EXOC8: variants seen among roughly 807,000 people sequenced by gnomAD.
EXOC8 encodes the protein exocyst complex 84 kDa subunit.
Under a neutral mutation model 50.8 loss-of-function variants are expected in EXOC8, and 19 were observed. The observed-to-expected ratio is 0.37, with a 90% CI of 0.26 to 0.55. The LOEUF (loss-of-function observed/expected upper bound fraction) is 0.55, where lower values mean the gene tolerates loss of function less well. Among genes scored for constraint, EXOC8 ranks in the 20% least tolerant of loss-of-function variants. EXOC8 has a pLI of 0.80. For synonymous variants in EXOC8, 384 were observed against 367.9 expected (o/e 1.04, Z -0.50); for missense variants, 781 against 915.8 (o/e 0.85, Z 1.90).
Position 231,336,825 on chromosome 1 carries a change from C to G in EXOC8, c.921G>C (p.Lys307Asn). ...APRGPPQVTS[K>N]ATNPFEDDEE... is the part of the protein sequence containing the mutation. ...CGTCATCCTCAAATGGGTTAGTGGCCTTGGAAGTCACTTGGGGTGGCCCTC... is the reference window on the plus strand; with the variant it reads ...CGTCATCCTCAAATGGGTTAGTGGCGTTGGAAGTCACTTGGGGTGGCCCTC... Residue 307 changes from lysine (K) to asparagine (N), a missense_variant, in exon 1 of 1, where the codon AAG becomes AAC. Lys to Asn is a moderately conservative substitution (Grantham distance 94). Coordinates refer to ENST00000366645, the MANE Select transcript of EXOC8 (RefSeq NM_175876.5). The surrounding 1 kb of genome is among the most constrained non-coding windows in gnomAD (Gnocchi z 5.4). 6.2e-7 allele frequency: 1 copy of G among 1,614,146 alleles called. No homozygotes were observed. Among genetic ancestry groups the G allele is most frequent in the Non-Finnish European group, 8.5e-7 (1 of 1,180,030 alleles).
chr1:231,336,330 T>C lies in EXOC8; in HGVS notation c.1416A>G (p.Arg472=). 1 of 1,613,998 alleles carries C rather than the reference T, an allele frequency of 6.2e-7. No individual in the cohort carries two copies. The highest frequency in any genetic ancestry group is 8.5e-7 in the Non-Finnish European group (1 of 1,179,994). Residue 472 remains arginine (R), a synonymous_variant, in exon 1 of 1, where the codon AGA becomes AGG. Coordinates refer to ENST00000366645, the MANE Select transcript of EXOC8 (RefSeq NM_175876.5). The surrounding 1 kb of genome is among the most constrained non-coding windows in gnomAD (Gnocchi z 5.4). ...VFFTSLLETA[R]EFEIDFAGTD... is the part of the protein sequence containing the mutation. Reference sequence around the variant, plus strand: ...TGCCTGCAAAATCGATCTCAAATTCTCTTGCAGTCTCGAGAAGGCTGGTAA... The same window carrying C: ...TGCCTGCAAAATCGATCTCAAATTCCCTTGCAGTCTCGAGAAGGCTGGTAA...
In EXOC8 at chr1:231,336,402, G is replaced by A. The variant is rs1359726635; in HGVS notation, c.1344C>T (p.Ile448=). The A allele has an allele frequency of 6.2e-7, 1 of 1,614,014 alleles. No homozygotes were observed. The change falls in exon 1 of 1, where the codon ATC becomes ATT. Residue 448 remains isoleucine (I), a synonymous_variant. Transcript: ENST00000366645. The surrounding 1 kb of genome is among the most constrained non-coding windows in gnomAD (Gnocchi z 5.4). ...GAATATAGAGTAAAGTGGCACCTTC[G>A]ATGCGAAGCTGACGAATTGCAGTAT... ...AVHTAIRQLR[I]EGATLLYIHK...
rs1046308089 is a variant in EXOC8 at position 231,333,567 on chromosome 1, T to C, written c.*2001A>G. ...ATACATATTTCATACAGTATAGTATTAGAAACTGTAAATGGCACAGAATAA... is the reference window on the plus strand; with the variant it reads ...ATACATATTTCATACAGTATAGTATCAGAAACTGTAAATGGCACAGAATAA... On this transcript the variant is annotated 3_prime_UTR_variant, in exon 1 of 1. Coordinates refer to ENST00000366645, the MANE Select transcript of EXOC8 (RefSeq NM_175876.5). 9 of 152,660 alleles carry C rather than the reference T, an allele frequency of 5.9e-5. No individual in the cohort carries two copies. Among genetic ancestry groups the C allele is most frequent in the Admixed American group, 1.3e-4 (2 of 15,284 alleles). 9.5% of individuals were successfully genotyped at this position (152,660 alleles called of 1,614,324 possible). A position where few individuals can be genotyped will look rare whatever the true frequency, so the allele number is the denominator to read the frequency against.
chr1:231,337,606 C>T lies in EXOC8; in HGVS notation c.140G>A (p.Arg47His), dbSNP rs1453748958. 1.2e-5 allele frequency: 20 copies of T among 1,612,150 alleles called. No individual in the cohort carries two copies. The highest frequency in any genetic ancestry group is 1.7e-5 in the Non-Finnish European group (20 of 1,180,002). ...CGTCTCCTCCGCCAGCGCCTGGATG[C>T]GCTGCCGGTGCTCCTGGAGGTCCCG... ...GDRDLQEHRQ[R>H]IQALAEETAQ... The change falls in exon 1 of 1, where the codon CGC becomes CAC. Residue 47 changes from arginine (R) to histidine (H), a missense_variant. Coordinates refer to ENST00000366645, the MANE Select transcript of EXOC8 (RefSeq NM_175876.5). The surrounding 1 kb of genome is among the most constrained non-coding windows in gnomAD (Gnocchi z 5.9).
chr1:231,336,063 G>T lies in EXOC8; in HGVS notation c.1683C>A (p.Ile561=), dbSNP rs372339789. Residue 561 remains isoleucine, a synonymous_variant, in exon 1 of 1, where the codon ATC becomes ATA. Transcript: ENST00000366645. This position sits in a 1 kb window ranked among gnomAD's most constrained non-coding sequence, Gnocchi z 5.4. The part of the protein sequence containing the change: ...IQGALHSYKE[I]IIEATKHRNS... ...TGCGATGTTTAGTGGCTTCAATGAT[G>T]ATTTCTTTGTAACTGTGCAAGGCCC... The T allele has an allele frequency of 2.5e-6, 4 of 1,614,060 alleles. No individual in the cohort carries two copies. The highest frequency in any genetic ancestry group is 2.7e-5 in the African/African-American group (2 of 74,918).
chr1:231,337,502 T>C lies in EXOC8; in HGVS notation c.244A>G (p.Ser82Gly). Residue 82 changes from serine to glycine, a missense_variant, in exon 1 of 1, where the codon AGC becomes GGC. By Grantham distance (56) the Ser-to-Gly change is moderately conservative. Around this residue, in one of 3 missense-constraint regions of EXOC8, gnomAD observed 700 missense variants for 804.1 expected, o/e 0.87. Transcript: ENST00000366645. The surrounding 1 kb of genome is among the most constrained non-coding windows in gnomAD (Gnocchi z 5.9). ...ETAREISYLE[S>G]EMYQLSHLLT... is the part of the protein sequence containing the mutation. ...AAATGGCTGAGCTGGTACATCTCGC[T>C]CTCCAGGTAGGAGATCTCGCGGGCC... 2 of 1,613,072 alleles carry C rather than the reference T, an allele frequency of 1.2e-6. No homozygotes were observed. Among genetic ancestry groups the C allele is most frequent in the Non-Finnish European group, 1.7e-6 (2 of 1,179,922 alleles).
rs770071942 is a variant in EXOC8 at position 231,337,236 on chromosome 1, T to A, written c.510A>T (p.Glu170Asp). The A allele has an allele frequency of 1.9e-5, 30 of 1,612,760 alleles. No individual in the cohort carries two copies. Among genetic ancestry groups the A allele is most frequent in the Non-Finnish European group, 2.5e-5 (29 of 1,180,004 alleles). The change falls in exon 1 of 1, where the codon GAA becomes GAT. Residue 170 changes from glutamate (E) to aspartate (D), a missense_variant. By Grantham distance (45) the Glu-to-Asp change is conservative (BLOSUM62 2). This residue lies in a region of EXOC8 where 700 missense variants were observed against 804.1 expected (regional missense o/e 0.87). Coordinates refer to ENST00000366645, the MANE Select transcript of EXOC8 (RefSeq NM_175876.5). This position sits in a 1 kb window ranked among gnomAD's most constrained non-coding sequence, Gnocchi z 5.9. ...RTLTTLLEKV[E>D]GCRHLLETPG... The stretch of plus-strand genomic sequence containing the variant: ...GCGTCTCCAGCAGATGCCTGCAGCC[T>A]TCCACCTTCTCAAGCAGGGTGGTGA...
rs1235951591 is a variant in EXOC8, at chr1:231,333,005, T to C, written c.*2563A>G. The C allele has an allele frequency of 6.6e-6, 1 of 152,100 alleles. No homozygotes were observed. Among genetic ancestry groups the C allele is most frequent in the Admixed American group, 6.5e-5 (1 of 15,280 alleles). 9.4% of individuals were successfully genotyped at this position (152,100 alleles called of 1,614,324 possible). On this transcript the variant is annotated 3_prime_UTR_variant, in exon 1 of 1. Transcript: ENST00000366645. ...AGGCTTTAACCAAAGCAAGACTTAATGCCACAAGGTGTCTTTTTTCCCCAA... is the reference window on the plus strand; with the variant it reads ...AGGCTTTAACCAAAGCAAGACTTAACGCCACAAGGTGTCTTTTTTCCCCAA...
In EXOC8 at chr1:231,335,400, CTTAAT is replaced by C. The variant is rs1360282051; in HGVS notation, c.*163_*167del. ...AATTCCAGTATTTTTGTTACTTGGG[CTTAAT>C]TTAACTTATTTTCCTCTTTTTGATT... On this transcript the variant is annotated 3_prime_UTR_variant, in exon 1 of 1. Transcript: ENST00000366645. The C allele has an allele frequency of 7.2e-6, 4 of 557,036 alleles. No homozygotes were observed. The highest frequency in any genetic ancestry group is 3.9e-5 in the African/African-American group (2 of 50,938). The allele number at this position is 557,036 out of a possible 1,614,324, so 34.5% of individuals were successfully genotyped here. A position where few individuals can be genotyped will look rare whatever the true frequency, so the allele number is the denominator to read the frequency against.
In EXOC8 at chr1:231,335,954, C is replaced by G. The variant is rs1686662501; in HGVS notation, c.1792G>C (p.Val598Leu). 1 of 1,614,218 alleles carries G rather than the reference C, an allele frequency of 6.2e-7. No individual in the cohort carries two copies. The highest frequency in any genetic ancestry group is 1.3e-5 in the African/African-American group (1 of 75,040). Residue 598 changes from valine to leucine, a missense_variant, in exon 1 of 1, where the codon GTA becomes CTA. Val to Leu is a conservative substitution (Grantham distance 32). Transcript: ENST00000366645. ...KLKEEMKSCGVSNFEQYTGDD... is the reference protein window; with the variant it reads ...KLKEEMKSCGLSNFEQYTGDD... ...CCTGTGTACTGCTCAAAGTTACTTA[C>G]CCCACAACTTTTCATCTCTTCTTTG...
chr1:231,333,218 G>A lies in EXOC8; in HGVS notation c.*2350C>T, dbSNP rs368410686. The stretch of plus-strand genomic sequence containing the variant: ...GGTCTAATAAAACAGAAGAATTAGA[G>A]AAGAAAGCCCATGCCACTTTGAGGA... On this transcript the variant is annotated 3_prime_UTR_variant, in exon 1 of 1. Coordinates refer to ENST00000366645, the MANE Select transcript of EXOC8 (RefSeq NM_175876.5). 6.6e-6 allele frequency: 1 copy of A among 152,212 alleles called. No individual in the cohort carries two copies. The highest frequency in any genetic ancestry group is 2.4e-5 in the African/African-American group (1 of 41,448). 9.4% of individuals were successfully genotyped at this position (152,212 alleles called of 1,614,324 possible).
chr1:231,336,260 C>T lies in EXOC8; in HGVS notation c.1486G>A (p.Ala496Thr), dbSNP rs749486063. The T allele has an allele frequency of 2.5e-6, 4 of 1,614,004 alleles. No individual in the cohort carries two copies. Among genetic ancestry groups the T allele is most frequent in the Admixed American group, 1.7e-5 (1 of 60,014 alleles). The change falls in exon 1 of 1, where the codon GCC becomes ACC. Residue 496 changes from alanine (A) to threonine (T), a missense_variant. Coordinates refer to ENST00000366645, the MANE Select transcript of EXOC8 (RefSeq NM_175876.5). This position sits in a 1 kb window ranked among gnomAD's most constrained non-coding sequence, Gnocchi z 5.4. ...YSAFVVWARS[A>T]MGMFVDAFSK... ...AAAGCATCCACGAACATGCCCATGGCTGATCTTGCCCAGACCACAAAGGCA... is the reference window on the plus strand; with the variant it reads ...AAAGCATCCACGAACATGCCCATGGTTGATCTTGCCCAGACCACAAAGGCA...
In EXOC8 at chr1:231,337,833, T is replaced by C. The variant is rs1359998733; in HGVS notation, c.-88A>G. On this transcript the variant is annotated 5_prime_UTR_variant, in exon 1 of 1. Coordinates refer to ENST00000366645, the MANE Select transcript of EXOC8 (RefSeq NM_175876.5). The surrounding 1 kb of genome is among the most constrained non-coding windows in gnomAD (Gnocchi z 5.9). ...ACCCACCCAAGGCCAACCGAGCTCC[T>C]GGGCTGAGGAAGCAGGAATGGGAAC... The C allele has an allele frequency of 2.0e-6, 3 of 1,477,926 alleles. No homozygotes were observed. Among genetic ancestry groups the C allele is most frequent in the African/African-American group, 1.4e-5 (1 of 70,566 alleles). 91.6% of individuals were successfully genotyped at this position (1,477,926 alleles called of 1,614,324 possible).
chr1:231,336,476 A>T lies in EXOC8; in HGVS notation c.1270T>A (p.Cys424Ser), dbSNP rs1404765680. 1 of 1,613,796 alleles carries T rather than the reference A, an allele frequency of 6.2e-7. No homozygotes were observed. The highest frequency in any genetic ancestry group is 8.5e-7 in the Non-Finnish European group (1 of 1,179,896). ...AVSQLIRLGQ[C>S]TKACELFLRN... is the part of the protein sequence containing the mutation. ...AAAAATAGCTCACAGGCCTTCGTGC[A>T]CTGGCCCAGCCGGATCAGTTGCGAA... The change falls in exon 1 of 1, where the codon TGC (cysteine) becomes AGC (serine). Residue 424 changes from cysteine to serine, a missense_variant. By Grantham distance (112) the Cys-to-Ser change is moderately radical. Around this residue, in one of 3 missense-constraint regions of EXOC8, gnomAD observed 700 missense variants for 804.1 expected, o/e 0.87. Transcript: ENST00000366645. This position sits in a 1 kb window ranked among gnomAD's most constrained non-coding sequence, Gnocchi z 5.4.
At position 231,336,903 on chromosome 1, in the gene EXOC8, C is replaced by T. The variant is rs200299813; in HGVS notation, c.843G>A (p.Lys281=). 27 of 1,614,024 alleles carry T rather than the reference C, an allele frequency of 1.7e-5. No individual in the cohort carries two copies. The highest frequency in any genetic ancestry group is 2.2e-5 in the East Asian group (1 of 44,892). Residue 281 remains lysine (K), a synonymous_variant, in exon 1 of 1, where the codon AAG becomes AAA. Transcript: ENST00000366645. The surrounding 1 kb of genome is among the most constrained non-coding windows in gnomAD (Gnocchi z 5.4). The stretch of plus-strand genomic sequence containing the variant: ...TTCGCCTTTTCTCACTGAGGGCCCT[C>T]TTGGTGTCCTCCAGCACTTCCAGCC... ...REWLEVLEDT[K]RALSEKRRRE...
Position 231,336,932 on chromosome 1 carries a change from C to T in EXOC8, c.814G>A (p.Glu272Lys). ...FQAENAKIKR[E>K]WLEVLEDTKR... ...GTGTCCTCCAGCACTTCCAGCCACT[C>T]TCGTTTGATTTTAGCATTTTCGGCC... Residue 272 changes from glutamate (E) to lysine (K), a missense_variant, in exon 1 of 1, where the codon GAG becomes AAG. Transcript: ENST00000366645. The surrounding 1 kb of genome is among the most constrained non-coding windows in gnomAD (Gnocchi z 5.4). 6.2e-7 allele frequency: 1 copy of T among 1,614,158 alleles called. No individual in the cohort carries two copies.
In EXOC8 at chr1:231,337,213, G is replaced by T; in HGVS notation, c.533C>A (p.Thr178Lys). Reference sequence around the variant, plus strand: ...ATTGTACACCAAGTACTGTCCCGGCGTCTCCAGCAGATGCCTGCAGCCTTC... The same window carrying T: ...ATTGTACACCAAGTACTGTCCCGGCTTCTCCAGCAGATGCCTGCAGCCTTC... The part of the protein sequence containing the change: ...KVEGCRHLLE[T>K]PGQYLVYNGD... Residue 178 changes from threonine to lysine, a missense_variant, in exon 1 of 1, where the codon ACG becomes AAG. By Grantham distance (78) the Thr-to-Lys change is moderately conservative. Transcript: ENST00000366645. This position sits in a 1 kb window ranked among gnomAD's most constrained non-coding sequence, Gnocchi z 5.9. 1 of 1,613,816 alleles carries T rather than the reference G, an allele frequency of 6.2e-7. No homozygotes were observed.
Position 231,336,013 on chromosome 1 carries a change from ATCC to A in EXOC8, c.1730_1732del (p.Arg577del). ...CAGGGCTTCTGGCGTCATCAAGTTC[ATCC>A]TCCTCCACATCTCTTCAGAGTTGCG... On this transcript the variant is annotated inframe_deletion, in exon 1 of 1. Transcript: ENST00000366645. This position sits in a 1 kb window ranked among gnomAD's most constrained non-coding sequence, Gnocchi z 5.4. The A allele has an allele frequency of 6.2e-7, 1 of 1,614,190 alleles. No individual in the cohort carries two copies. The highest frequency in any genetic ancestry group is 1.3e-5 in the African/African-American group (1 of 75,046).
chr1:231,337,123 A>G lies in EXOC8; in HGVS notation c.623T>C (p.Met208Thr). ...AQLQRVHGFLMNDCLLVATWL... is the reference protein window; with the variant it reads ...AQLQRVHGFLTNDCLLVATWL... The stretch of plus-strand genomic sequence containing the variant: ...GGTAGCCACCAACAAGCAATCGTTC[A>G]TGAGAAAGCCGTGCACCCGCTGCAG... The change falls in exon 1 of 1, where the codon ATG becomes ACG. Residue 208 changes from methionine (M) to threonine (T), a missense_variant. Met to Thr is a moderately conservative substitution (Grantham distance 81). Transcript: ENST00000366645. The surrounding 1 kb of genome is among the most constrained non-coding windows in gnomAD (Gnocchi z 5.9). 1 of 1,614,160 alleles carries G rather than the reference A, an allele frequency of 6.2e-7. No individual in the cohort carries two copies. Among genetic ancestry groups the G allele is most frequent in the Non-Finnish European group, 8.5e-7 (1 of 1,180,024 alleles).
Sources: allele counts gnomAD v4.1 joint callset, GRCh38; gene constraint gnomAD v4.1.1; regional missense constraint gnomAD v4.1.1; non-coding constraint Gnocchi (gnomAD v3.1); transcripts MANE v1.5; gene names NCBI Gene and HGNC (gene_info 2026-07-23, HGNC 2026-07-21).